Variants in CPT1A observed in about 807,000 individuals in gnomAD.
CPT1A encodes the protein carnitine palmitoyltransferase 1A, also known as carnitine O-palmitoyltransferase 1, liver isoform.
In CPT1A, 64 loss-of-function variants were observed where a neutral mutation model predicts 100.8. The ratio of observed to expected loss-of-function variants is 0.63; its 90% CI spans 0.52 to 0.78. The LOEUF is 0.78. CPT1A is among the 30% of genes least tolerant of loss of function. The pLI is 0.00. For synonymous variants in CPT1A, 363 were observed against 396.0 expected (o/e 0.92, Z 0.99); for missense variants, 802 against 1,034.1 (o/e 0.78, Z 3.08).
chr11:68,782,676 C>T (rs1855346248), intron 10 of CPT1A, among the ~76,000 whole-genome samples: 1 of 152,216 alleles, frequency 6.6e-6, no homozygotes, highest in Non-Finnish European at 1.5e-5. Context: ...CCAGCTCCTC[C>T]AGGACCCTCT....
intron 1 of CPT1A, among the ~76,000 whole-genome samples, chr11:68,835,147 A>G (rs1285124900): frequency 6.6e-6 from 1 of 152,232 alleles, no homozygotes; most frequent in Non-Finnish European, 1.5e-5. Flanking sequence ...GAAGATAGCC[A>G]ACGTATTGAC....
intron 5 of CPT1A, among the ~76,000 whole-genome samples, chr11:68,799,951 T>C (rs1855859116): frequency 6.6e-6 from 1 of 152,154 alleles, no homozygotes; most frequent in Non-Finnish European, 1.5e-5. Context: ...TTTTTAGAAT[T>C]TAAAATAAAT....
Position 68,784,945 on chromosome 11 carries a change from C to T in CPT1A, c.1033G>A (p.Val345Ile), listed in dbSNP as rs1197967063. 2 of 1,613,988 alleles carry T rather than the reference C, an allele frequency of 1.2e-6. No homozygotes were observed. The highest frequency in any genetic ancestry group is 1.7e-6 in the Non-Finnish European group (2 of 1,180,036). ...VVYHRGRYFK[V>I]WLYHDGRLLK... ...AGCCGCCCATCATGGTAGAGCCAGA[C>T]CTTGAAGTAGCGTCCTCGATGGTAC... The change falls in exon 10 of 19, where the codon GTC becomes ATC. Residue 345 changes from valine to isoleucine, a missense_variant. This residue lies in a region of CPT1A where 627 missense variants were observed against 799.3 expected (regional missense o/e 0.78). Coordinates refer to ENST00000265641, the MANE Select transcript of CPT1A (RefSeq NM_001876.4).
At chr11:68,770,433 C>CA (rs1197369616) in intron 14 of CPT1A, among the ~76,000 whole-genome samples, 1 of 152,206 alleles carries the variant, frequency 6.6e-6, no homozygotes, top group East Asian at 1.9e-4. Flanking sequence ...ATTACCCTGT[C>CA]ATCTGCTAGA....
chr11:68,775,196 C>T (rs961134184), intron 13 of CPT1A, 120 bp downstream of exon 13: 1 of 819,186 alleles, frequency 1.2e-6, no homozygotes, highest in Non-Finnish European at 2.1e-6. Flanking sequence ...CTTTCAGCCT[C>T]AGTGGTCTTC....
At chr11:68,841,960 C>T (rs1857171269), upstream of CPT1A, 1 of 985,074 alleles carries the variant, frequency 1.0e-6, no homozygotes, top group African/African-American at 1.8e-5. This position sits in a 1 kb window ranked among gnomAD's most constrained non-coding sequence, Gnocchi z 6.3. Flanking sequence ...CGGGTGACTC[C>T]CGGCGCGCGG....
intron 1 of CPT1A, among the ~76,000 whole-genome samples, chr11:68,819,608 T>C (rs529311289): frequency 1.3e-5 from 2 of 152,332 alleles, no homozygotes; most frequent in East Asian, 3.9e-4. Flanking sequence ...CAAAGTTATG[T>C]ATCCAACACT....
At chr11:68,765,752 A>G (rs954292939) in intron 14 of CPT1A, among the ~76,000 whole-genome samples, 2 of 152,212 alleles carry the variant, frequency 1.3e-5, no homozygotes, top group Non-Finnish European at 2.9e-5. Context: ...TTTGCCCTCA[A>G]TGAGCAAACA....
chr11:68,799,103 G>C, intron 6 of CPT1A, 115 bp downstream of exon 6: 1 of 897,816 alleles, frequency 1.1e-6, no homozygotes, highest in Non-Finnish European at 1.8e-6. Context: ...GAACTTCCTA[G>C]GGTGTGATTT....
chr11:68,796,985 G>A (rs979923098), intron 6 of CPT1A, 52 bp from the exon 7 acceptor site: 1 of 1,588,410 alleles, frequency 6.3e-7, no homozygotes, highest in African/African-American at 1.3e-5. Context: ...GGGCCAGGCA[G>A]GCTCCCTGGC....
chr11:68,793,364 A>G lies in CPT1A; in HGVS notation c.918T>C (p.Ala306=). Residue 306 remains alanine (A), a synonymous_variant, in exon 9 of 19, where the codon GCT becomes GCC. Coordinates refer to ENST00000265641, the MANE Select transcript of CPT1A (RefSeq NM_001876.4). Reference sequence around the variant, plus strand: ...AAGTATTAAACATCCGCTCCCACTGAGCGGAGCAGAGTGGAATCGTGGATC... The same window carrying G: ...AAGTATTAAACATCCGCTCCCACTGGGCGGAGCAGAGTGGAATCGTGGATC... ...LLGSTIPLCS[A]QWERMFNTSR... 2 of 1,612,180 alleles carry G rather than the reference A, an allele frequency of 1.2e-6. No individual in the cohort carries two copies. The highest frequency in any genetic ancestry group is 1.7e-6 in the Non-Finnish European group (2 of 1,179,228).
chr11:68,769,829 A>G (rs1304570770), intron 14 of CPT1A, among the ~76,000 whole-genome samples: 1 of 152,096 alleles, frequency 6.6e-6, no homozygotes, highest in Non-Finnish European at 1.5e-5. Flanking sequence ...CAGGCGGATC[A>G]CTTGAGGTCA....
At position 68,755,769 on chromosome 11, in the gene CPT1A, T is replaced by C. The variant is rs1474304442; in HGVS notation, c.*1875A>G. Reference sequence around the variant, plus strand: ...TTTCTTGCTTTCAGGAGAAAAAAAATCTTTGGCCCATAAAGGTGGGATTTT... The same window carrying C: ...TTTCTTGCTTTCAGGAGAAAAAAAACCTTTGGCCCATAAAGGTGGGATTTT... On this transcript the variant is annotated 3_prime_UTR_variant, in exon 19 of 19. Coordinates refer to ENST00000265641, the MANE Select transcript of CPT1A (RefSeq NM_001876.4). 1.5e-5 allele frequency: 2 copies of C among 132,654 alleles called. No homozygotes were observed. The highest frequency in any genetic ancestry group is 5.5e-5 in the African/African-American group (2 of 36,142). The allele number at this position is 132,654 out of a possible 1,614,324, so 8.2% of individuals were successfully genotyped here. A position where few individuals can be genotyped will look rare whatever the true frequency, so the allele number is the denominator to read the frequency against.
intron 12 of CPT1A, among the ~76,000 whole-genome samples, chr11:68,778,529 TTTA>T: frequency 6.6e-6 from 1 of 151,680 alleles, no homozygotes; most frequent in Admixed American, 6.6e-5. Flanking sequence ...TGAGGTCAGG[TTTA>T]TATATATATA....
intron 10 of CPT1A, among the ~76,000 whole-genome samples, chr11:68,782,737 C>T (rs1359233963): frequency 6.6e-6 from 1 of 152,226 alleles, no homozygotes; most frequent in Non-Finnish European, 1.5e-5. Context: ...TCCCCACCTT[C>T]TTCTCTCTAG....
At chr11:68,785,300 C>T (rs549578597) in intron 9 of CPT1A, among the ~76,000 whole-genome samples, 1 of 152,110 alleles carries the variant, frequency 6.6e-6, no homozygotes, top group African/African-American at 2.4e-5. Flanking sequence ...AGTGGTGGCT[C>T]ACGCCTGTAA....
chr11:68,818,054 C>A (rs966872894), intron 1 of CPT1A, among the ~76,000 whole-genome samples: 3 of 152,108 alleles, frequency 2.0e-5, no homozygotes, highest in Non-Finnish European at 4.4e-5. Flanking sequence ...TTTCTAAAGA[C>A]CACTCTGGCT....
In CPT1A at chr11:68,757,294, T is replaced by C. The variant is rs1008713441; in HGVS notation, c.*350A>G. On this transcript the variant is annotated 3_prime_UTR_variant, in exon 19 of 19. Coordinates refer to ENST00000265641, the MANE Select transcript of CPT1A (RefSeq NM_001876.4). ...TAAGCACTAGGCCTTCGGTTGCCAC[T>C]GAGAAAGCACACCATTTCCATTCCA... 8.5e-7 allele frequency: 1 copy of C among 1,174,294 alleles called. No homozygotes were observed. Among genetic ancestry groups the C allele is most frequent in the South Asian group, 2.0e-5 (1 of 49,084 alleles). 72.7% of individuals were successfully genotyped at this position (1,174,294 alleles called of 1,614,324 possible). A position where few individuals can be genotyped will look rare whatever the true frequency, so the allele number is the denominator to read the frequency against.
chr11:68,820,416 C>T (rs1361035088), intron 1 of CPT1A, among the ~76,000 whole-genome samples: 1 of 151,968 alleles, frequency 6.6e-6, no homozygotes, highest in African/African-American at 2.4e-5. Flanking sequence ...GGTGCGGTGG[C>T]TCATGCCTGT....
Sources: gnomAD v4.1 joint callset for allele counts (sites outside exome capture counted in the v4.1 genomes callset) on GRCh38, gnomAD v4.1.1 for gene constraint, gnomAD v4.1.1 regional missense constraint, Gnocchi (gnomAD v3.1) non-coding constraint, MANE v1.5 for transcripts, NCBI Gene and HGNC (gene_info 2026-07-23, HGNC 2026-07-21) for gene names.